BMPR2: variants seen among roughly 807,000 people sequenced by gnomAD.
BMPR2 encodes bone morphogenetic protein receptor type-2.
A neutral mutation model predicts 100.8 loss-of-function variants in BMPR2; 29 were observed. That is an observed-to-expected ratio of 0.29 (90% CI 0.21 to 0.39). BMPR2 has a LOEUF of 0.39. Among genes scored for constraint, BMPR2 ranks in the 10% least tolerant of loss-of-function variants. BMPR2 has a pLI of 1.00. For missense variants in BMPR2, 1,011 were observed against 1,274.5 expected, an observed-to-expected ratio of 0.79 and a Z score of 3.15; for synonymous variants, 382 against 442.3, an observed-to-expected ratio of 0.86 and a Z score of 1.71.
intron 1 of BMPR2, among the ~76,000 whole-genome samples, chr2:202,442,754 T>C (rs6736794): frequency 0.49 from 73,450 of 150,270 alleles, 19,464 homozygotes; most frequent in African/African-American, 0.57. Flanking sequence ...TCATCCTTGT[T>C]GTAGCATATG....
At chr2:202,392,438 A>G (rs1690568991) in intron 1 of BMPR2, among the ~76,000 whole-genome samples, 1 of 149,812 alleles carries the variant, frequency 6.7e-6, no homozygotes, top group South Asian at 2.2e-4. Context: ...TCATCACTGA[A>G]TTCCAAATAA....
chr2:202,552,679 TA>T, intron 10 of BMPR2, 36 bp from the exon 11 acceptor site: 8 of 1,608,508 alleles, frequency 5.0e-6, no homozygotes, highest in South Asian at 1.1e-5. Flanking sequence ...TTTTTTTTTT[TA>T]AAGACACATG....
At chr2:202,453,961 T>TA (rs1692037787) in intron 1 of BMPR2, among the ~76,000 whole-genome samples, 1 of 152,108 alleles carries the variant, frequency 6.6e-6, no homozygotes, top group Admixed American at 6.6e-5. Context: ...CCCACAAAAA[T>TA]AAAAAAATTT....
chr2:202,392,572 A>G (rs762004151), intron 1 of BMPR2, among the ~76,000 whole-genome samples: 4 of 152,194 alleles, frequency 2.6e-5, no homozygotes, highest in African/African-American at 9.7e-5. Context: ...GGTGACCAAT[A>G]TCAATTGGGT....
chr2:202,387,540 ACT>A (rs1241891837), intron 1 of BMPR2, among the ~76,000 whole-genome samples: 7 of 152,236 alleles, frequency 4.6e-5, no homozygotes, highest in Non-Finnish European at 7.3e-5. Context: ...TGAAAATCTT[ACT>A]GGTATTTTGA....
intron 1 of BMPR2, among the ~76,000 whole-genome samples, chr2:202,436,058 A>G (rs1691608019): frequency 6.6e-6 from 1 of 150,882 alleles, no homozygotes; most frequent in Non-Finnish European, 1.5e-5. Flanking sequence ...TCATGATTCA[A>G]AAAAGCATTT....
intron 8 of BMPR2, 69 bp downstream of exon 8, chr2:202,531,023 C>G (rs1170491313): frequency 6.3e-7 from 1 of 1,579,910 alleles, no homozygotes; most frequent in African/African-American, 1.3e-5. Context: ...CATCTACTGG[C>G]CAGGTGTGGT....
intron 3 of BMPR2, among the ~76,000 whole-genome samples, chr2:202,481,829 A>G (rs1029835836): frequency 2.6e-5 from 4 of 152,194 alleles, no homozygotes; most frequent in African/African-American, 9.6e-5. Context: ...TTTTGTAAAA[A>G]TTTTAGCTGT....
At chr2:202,399,243 C>A (rs1182989170) in intron 1 of BMPR2, among the ~76,000 whole-genome samples, 1 of 152,134 alleles carries the variant, frequency 6.6e-6, no homozygotes, top group Non-Finnish European at 1.5e-5. Flanking sequence ...AGGCCACTCA[C>A]ATTAGATAAA....
chr2:202,413,402 C>T (rs1691053727), intron 1 of BMPR2, among the ~76,000 whole-genome samples: 1 of 152,104 alleles, frequency 6.6e-6, no homozygotes, highest in South Asian at 2.1e-4. Context: ...GTCAGTGCAT[C>T]AACAAAATAT....
At chr2:202,461,478 C>G (rs994158450) in intron 1 of BMPR2, among the ~76,000 whole-genome samples, 1 of 151,370 alleles carries the variant, frequency 6.6e-6, no homozygotes, top group African/African-American at 2.4e-5. Flanking sequence ...AGCAAGACTC[C>G]GTCTCAAAAA....
intron 1 of BMPR2, among the ~76,000 whole-genome samples, chr2:202,416,171 G>A (rs1418292703): frequency 6.6e-6 from 1 of 152,178 alleles, no homozygotes. Context: ...TGCAGATGTG[G>A]TGGAATAGCA....
intron 1 of BMPR2, among the ~76,000 whole-genome samples, chr2:202,413,856 G>A (rs1223938342): frequency 6.6e-6 from 1 of 151,968 alleles, no homozygotes; most frequent in Admixed American, 6.6e-5. Flanking sequence ...GTAGAGATGA[G>A]GTTTCACCAT....
At chr2:202,415,170 T>G (rs1421846523) in intron 1 of BMPR2, among the ~76,000 whole-genome samples, 1 of 152,064 alleles carries the variant, frequency 6.6e-6, no homozygotes, top group African/African-American at 2.4e-5. Flanking sequence ...TCTAGGACTT[T>G]TATAACTGGA....
At chr2:202,524,655 ATTGT>A (rs1326948033) in intron 7 of BMPR2, among the ~76,000 whole-genome samples, 1 of 151,700 alleles carries the variant, frequency 6.6e-6, no homozygotes, top group Non-Finnish European at 1.5e-5. Context: ...AGGTGAGAAG[ATTGT>A]TTGAGCCCGG....
At position 202,562,401 on chromosome 2, in the gene BMPR2, A is replaced by G. The variant is rs1381986616; in HGVS notation, c.*2455A>G. The G allele has an allele frequency of 6.6e-6, 1 of 152,636 alleles. No homozygotes were observed. Among genetic ancestry groups the G allele is most frequent in the Admixed American group, 6.5e-5 (1 of 15,286 alleles). 9.5% of individuals were successfully genotyped at this position (152,636 alleles called of 1,614,324 possible). A position where few individuals can be genotyped will look rare whatever the true frequency, so the allele number is the denominator to read the frequency against. On this transcript the variant is annotated 3_prime_UTR_variant, in exon 13 of 13. Coordinates refer to ENST00000374580, the MANE Select transcript of BMPR2 (RefSeq NM_001204.7). ...TAATTTCCTTTCACCAGTTTTTCTTAGTAAACTCCTGAAAAAGTAGGAAAG... is the reference window on the plus strand; with the variant it reads ...TAATTTCCTTTCACCAGTTTTTCTTGGTAAACTCCTGAAAAAGTAGGAAAG...
At chr2:202,504,028 G>A (rs974633945) in intron 3 of BMPR2, among the ~76,000 whole-genome samples, 4 of 152,094 alleles carry the variant, frequency 2.6e-5, no homozygotes, top group African/African-American at 4.8e-5. Context: ...CCTTTGTGTC[G>A]ACACTCTGTA....
chr2:202,469,298 G>T, intron 3 of BMPR2, among the ~76,000 whole-genome samples: 1 of 152,046 alleles, frequency 6.6e-6, no homozygotes, highest in East Asian at 1.9e-4. Flanking sequence ...AAAGTGCTGG[G>T]ATTACAGGTG....
At chr2:202,405,213 A>C (rs1403398191) in intron 1 of BMPR2, among the ~76,000 whole-genome samples, 1 of 152,102 alleles carries the variant, frequency 6.6e-6, no homozygotes, top group Non-Finnish European at 1.5e-5. Flanking sequence ...GTGGTCCTGA[A>C]GCCTGAAAAA....
Sources: allele counts gnomAD v4.1 joint callset (sites outside exome capture counted in the v4.1 genomes callset), GRCh38; gene constraint gnomAD v4.1.1; transcripts MANE v1.5; gene names NCBI Gene and HGNC (gene_info 2026-07-23, HGNC 2026-07-21).